The following MINDY4 variants were observed in gnomAD, a reference collection of about 807,000 sequenced individuals.
MINDY4 encodes the protein MINDY lysine 48 deubiquitinase 4, also known as probable ubiquitin carboxyl-terminal hydrolase MINDY-4.
A neutral mutation model predicts 87.0 loss-of-function variants in MINDY4; 68 were observed. The observed-to-expected ratio is 0.78, with a 90% CI of 0.64 to 0.96. The LOEUF (loss-of-function observed/expected upper bound fraction) is 0.96, where lower values mean the gene tolerates loss of function less well. Among genes scored for constraint, MINDY4 ranks in the 40% least tolerant of loss-of-function variants. The probability of loss-of-function intolerance (pLI) is 0.00; values close to 1 mark genes in which losing one functional copy is unlikely to be tolerated. For missense variants in MINDY4, 919 were observed against 928.2 expected, an observed-to-expected ratio of 0.99 and a Z score of 0.13; for synonymous variants, 379 against 363.2, an observed-to-expected ratio of 1.04 and a Z score of -0.50.
intron 13 of MINDY4, among the ~76,000 whole-genome samples, chr7:30,866,230 C>T: frequency 6.6e-6 from 1 of 152,226 alleles, no homozygotes; most frequent in East Asian, 1.9e-4. Flanking sequence ...CTGCCCCTAT[C>T]CACTCACCCA....
At chr7:30,786,252 G>A (rs1156986633) in intron 4 of MINDY4, 1 of 475,682 alleles carries the variant, frequency 2.1e-6, no homozygotes, top group Non-Finnish European at 3.8e-6. Flanking sequence ...CTGTTCCTCT[G>A]CTGGGTAAGA....
intron 7 of MINDY4, among the ~76,000 whole-genome samples, chr7:30,837,903 C>A (rs1466893064): frequency 6.6e-6 from 1 of 152,188 alleles, no homozygotes; most frequent in Non-Finnish European, 1.5e-5. Flanking sequence ...CTGTGTGCCA[C>A]CAGCCCACAT....
At chr7:30,846,001 G>C (rs933740850) in intron 9 of MINDY4, among the ~76,000 whole-genome samples, 2 of 152,228 alleles carry the variant, frequency 1.3e-5, no homozygotes, top group African/African-American at 4.8e-5. Flanking sequence ...CCTGGAGAGA[G>C]CCACAGGCCA....
chr7:30,852,391 A>C (rs1789439621), intron 11 of MINDY4, 112 bp downstream of exon 11: 1 of 1,547,228 alleles, frequency 6.5e-7, no homozygotes, highest in African/African-American at 1.4e-5. Context: ...TCCGCAGCCC[A>C]GGTCCCAGGA....
intron 3 of MINDY4, among the ~76,000 whole-genome samples, chr7:30,784,083 C>T (rs925871367): frequency 3.3e-5 from 5 of 152,052 alleles, no homozygotes; most frequent in African/African-American, 7.2e-5. Context: ...GTATGGGTGT[C>T]GAGCTGCCAA....
In MINDY4 at chr7:30,850,567, C is replaced by T. The variant is rs765087729; in HGVS notation, c.1547+12C>T. On this transcript the variant is annotated intron_variant, in intron 10 of 17. Coordinates refer to ENST00000265299, the MANE Select transcript of MINDY4 (RefSeq NM_032222.3). The stretch of plus-strand genomic sequence containing the variant: ...GCCGTTGTTGCACTGTAAGTGGTTC[C>T]GAGGTCTGTGTTGCCGTGGCTCATC... 22 of 1,589,974 alleles carry T rather than the reference C, an allele frequency of 1.4e-5. No homozygotes were observed. The highest frequency in any genetic ancestry group is 7.0e-5 in the Admixed American group (4 of 56,914).
At chr7:30,850,748 C>T (rs944022507) in intron 10 of MINDY4, among the ~76,000 whole-genome samples, 193 bp downstream of exon 10, 7 of 152,184 alleles carry the variant, frequency 4.6e-5, no homozygotes, top group Non-Finnish European at 1.0e-4. Flanking sequence ...TTCCATGCGG[C>T]CCTGCGATGC....
rs753795286 is a variant in MINDY4 at position 30,785,949 on chromosome 7, T to C, written c.620T>C (p.Ile207Thr). 1 of 1,614,180 alleles carries C rather than the reference T, an allele frequency of 6.2e-7. No individual in the cohort carries two copies. The highest frequency in any genetic ancestry group is 8.5e-7 in the Non-Finnish European group (1 of 1,180,030). Residue 207 changes from isoleucine to threonine, a missense_variant, in exon 4 of 18, where the codon ATT becomes ACT. Ile to Thr is a moderately conservative substitution (Grantham distance 89, BLOSUM62 -1). Transcript: ENST00000265299. Reference sequence around the variant, plus strand: ...AATTCCAGGCCAAAGTCTGGTCTGATTGTGCGAGGCATGATGTCTGGGCCC... The same window carrying C: ...AATTCCAGGCCAAAGTCTGGTCTGACTGTGCGAGGCATGATGTCTGGGCCC... Reference protein sequence around the residue: ...GENSRPKSGLIVRGMMSGPIA... With the variant: ...GENSRPKSGLTVRGMMSGPIA...
At chr7:30,869,946 A>G (rs917892609) in intron 13 of MINDY4, among the ~76,000 whole-genome samples, 6 of 152,172 alleles carry the variant, frequency 3.9e-5, no homozygotes, top group African/African-American at 1.4e-4. Flanking sequence ...AGCTCTCCAG[A>G]GAATTCCCCT....
In MINDY4 at chr7:30,882,376, C is replaced by T; in HGVS notation, c.2152+15C>T. ...GCTGACCATTGGTGCGGGCCCTCAC[C>T]CCCCCACCCACCCAACCCTGTCCCC... On this transcript the variant is annotated intron_variant, in intron 16 of 17. Transcript: ENST00000265299. 1 of 1,489,834 alleles carries T rather than the reference C, an allele frequency of 6.7e-7. No homozygotes were observed. The highest frequency in any genetic ancestry group is 9.0e-7 in the Non-Finnish European group (1 of 1,106,272). The allele number at this position is 1,489,834 out of a possible 1,614,324, so 92.3% of individuals were successfully genotyped here.
rs541070394 is a variant in MINDY4 at position 30,804,147 on chromosome 7, T to C, written c.1073+12573T>C. On this transcript the variant is annotated intron_variant, in intron 5 of 17. Transcript: ENST00000265299. ...AGATGGCCCCTGATGCTGAGTTATG[T>C]TAGGGGCATATTGGGCAGAGTTCCT... Among the ~76,000 whole-genome samples, 50 of 152,336 alleles carry C rather than the reference T, an allele frequency of 3.3e-4. 1 individual carries two copies. Among genetic ancestry groups the C allele is most frequent in the South Asian group, 1.7e-3 (8 of 4,826 alleles).
chr7:30,883,841 C>T (rs536633397), intron 17 of MINDY4, among the ~76,000 whole-genome samples: 10 of 151,922 alleles, frequency 6.6e-5, no homozygotes, highest in Admixed American at 5.2e-4. Flanking sequence ...GGAGAGAAGT[C>T]GCCTGGGTTC....
intron 12 of MINDY4, chr7:30,858,726 C>G: frequency 4.5e-6 from 1 of 223,164 alleles, no homozygotes; most frequent in Admixed American, 5.2e-5. Flanking sequence ...GATCCTGACT[C>G]TGCTCCAAAC....
Position 30,785,936 on chromosome 7 carries a change from A to G in MINDY4, c.607A>G (p.Lys203Glu). The G allele has an allele frequency of 6.2e-7, 1 of 1,614,124 alleles. No homozygotes were observed. Among genetic ancestry groups the G allele is most frequent in the East Asian group, 2.2e-5 (1 of 44,870 alleles). The change falls in exon 4 of 18, where the codon AAG (lysine) becomes GAG (glutamate). Residue 203 changes from lysine to glutamate, a missense_variant. Coordinates refer to ENST00000265299, the MANE Select transcript of MINDY4 (RefSeq NM_032222.3). Reference protein sequence around the residue: ...VKRMGENSRPKSGLIVRGMMS... With the variant: ...VKRMGENSRPESGLIVRGMMS... ...GAGGATGGGAGAGAATTCCAGGCCAAAGTCTGGTCTGATTGTGCGAGGCAT... is the reference window on the plus strand; with the variant it reads ...GAGGATGGGAGAGAATTCCAGGCCAGAGTCTGGTCTGATTGTGCGAGGCAT...
intron 5 of MINDY4, among the ~76,000 whole-genome samples, chr7:30,808,836 T>C (rs940784826): frequency 2.0e-5 from 3 of 150,908 alleles, no homozygotes; most frequent in Admixed American, 2.0e-4. Context: ...CCCCGCACAA[T>C]GGCTGAGACA....
intron 6 of MINDY4, among the ~76,000 whole-genome samples, chr7:30,833,733 G>T (rs1788775110): frequency 6.6e-6 from 1 of 152,364 alleles, no homozygotes; most frequent in South Asian, 2.1e-4. Flanking sequence ...AAGCAAGTTA[G>T]TTACTTCCTA....
At chr7:30,852,769 T>C (rs1424099614) in intron 11 of MINDY4, among the ~76,000 whole-genome samples, 1 of 152,200 alleles carries the variant, frequency 6.6e-6, no homozygotes, top group Non-Finnish European at 1.5e-5. Flanking sequence ...TTTTGTAAAA[T>C]ATAAGAGCAG....
At chr7:30,807,377 G>C (rs1787846095) in intron 5 of MINDY4, among the ~76,000 whole-genome samples, 1 of 152,094 alleles carries the variant, frequency 6.6e-6, no homozygotes, top group Admixed American at 6.6e-5. Flanking sequence ...CCCCTGCTCA[G>C]CTCCCTAACA....
chr7:30,779,966 T>A (rs181852783), intron 2 of MINDY4: 1 of 152,268 alleles, frequency 6.6e-6, no homozygotes, highest in East Asian at 1.9e-4. Flanking sequence ...AAGGATGGAA[T>A]TTCAGGCAAA....
Sources: gnomAD v4.1 joint callset for allele counts (sites outside exome capture counted in the v4.1 genomes callset) on GRCh38, gnomAD v4.1.1 for gene constraint, MANE v1.5 for transcripts, NCBI Gene and HGNC (gene_info 2026-07-23, HGNC 2026-07-21) for gene names.